DPF2: variants seen among roughly 807,000 people sequenced by gnomAD.
The protein encoded by DPF2 is zinc finger protein ubi-d4.
A neutral mutation model predicts 59.6 loss-of-function variants in DPF2; 10 were observed. That is an observed-to-expected ratio of 0.17 (90% CI 0.10 to 0.28). The LOEUF (loss-of-function observed/expected upper bound fraction) is 0.28, where lower values mean the gene tolerates loss of function less well. Ranked by LOEUF, DPF2 falls within the 10% of genes least tolerant of loss-of-function variation. DPF2 has a pLI of 1.00. For synonymous variants in DPF2, 189 were observed against 190.6 expected (o/e 0.99, Z 0.07); for missense variants, 315 against 509.4 (o/e 0.62, Z 3.67).
At chr11:65,350,845 G>C (rs528734748) in intron 10 of DPF2, among the ~76,000 whole-genome samples, 1 of 151,978 alleles carries the variant, frequency 6.6e-6, no homozygotes, top group African/African-American at 2.4e-5. Flanking sequence ...TGGGCGTGGT[G>C]CTGTGCGCTT....
At chr11:65,337,496 TATATATATAGAGAGAGAGAGAGAGAG>T (rs766063916) in intron 1 of DPF2, among the ~76,000 whole-genome samples, 2 of 57,224 alleles carry the variant, frequency 3.5e-5, no homozygotes, top group East Asian at 1.3e-3. Flanking sequence ...TATATATATA[TATATATATAGAGAGAGAGAGAGAGAG>T]AGAGAGAGAG....
rs759872695 is a variant in DPF2, at chr11:65,351,750, C to T, written c.1167C>T (p.Asn389=). The change falls in exon 11 of 11, where the codon AAC becomes AAT. Residue 389 remains asparagine, a synonymous_variant. Transcript: ENST00000528416. ...KEKASIYQNQ[N]SS Reference sequence around the variant, plus strand: ...AAGCTTCCATCTACCAGAACCAGAACTCCTCTTGATGTGGCCACCCACCTG... The same window carrying T: ...AAGCTTCCATCTACCAGAACCAGAATTCCTCTTGATGTGGCCACCCACCTG... 19 of 1,613,040 alleles carry T rather than the reference C, an allele frequency of 1.2e-5. No individual in the cohort carries two copies. In the East Asian group the frequency reaches 3.3e-4, roughly 28 times the overall value.
intron 6 of DPF2, chr11:65,344,345 G>A (rs1854467182): frequency 3.3e-6 from 2 of 610,262 alleles, no homozygotes; most frequent in Admixed American, 2.9e-5. Context: ...CTCAACAGAT[G>A]GCCTGCAGGT....
chr11:65,352,897 G>A lies in DPF2; in HGVS notation c.*1138G>A, dbSNP rs1415546729. 6.6e-6 allele frequency: 1 copy of A among 152,360 alleles called. No homozygotes were observed. The highest frequency in any genetic ancestry group is 2.4e-5 in the African/African-American group (1 of 41,398). The allele number at this position is 152,360 out of a possible 1,614,324, so 9.4% of individuals were successfully genotyped here. On this transcript the variant is annotated 3_prime_UTR_variant, in exon 11 of 11. Transcript: ENST00000528416. The stretch of plus-strand genomic sequence containing the variant: ...CGTGGGCAGGCCCTAACTCACTGTC[G>A]CTTTGGAGTTGAGGTGTCTTTTTTT...
In DPF2 at chr11:65,338,420, T is replaced by C. The variant is rs143089128; in HGVS notation, c.33-1965T>C. Among the ~76,000 whole-genome samples, 14 of 152,334 alleles carry C rather than the reference T, an allele frequency of 9.2e-5. No homozygotes were observed. The East Asian group carries it at 2.7e-3, about 29-fold the overall frequency. ...ATCTCTCATTCATTCCCCGCAAAAC[T>C]GTTTCCAGCCTCCTTGCTCTGACTT... On this transcript the variant is annotated intron_variant, in intron 1 of 10. Transcript: ENST00000528416.
rs886924776 is a variant in DPF2 at position 65,343,850 on chromosome 11, C to G, written c.558+13C>G. The stretch of plus-strand genomic sequence containing the variant: ...GGGGAAATCCAAGGTGAGGGGCCAG[C>G]GTGCTGCCTGCATCTTGGGACAGGG... On this transcript the variant is annotated intron_variant, in intron 5 of 10. Coordinates refer to ENST00000528416, the MANE Select transcript of DPF2 (RefSeq NM_006268.5). The G allele has an allele frequency of 1.9e-6, 3 of 1,582,212 alleles. No homozygotes were observed. The highest frequency in any genetic ancestry group is 2.6e-6 in the Non-Finnish European group (3 of 1,163,020).
At position 65,353,638 on chromosome 11, in the gene DPF2, TAGA is replaced by T. The variant is rs1854787455; in HGVS notation, c.*1882_*1884del. ...GCGCGTATGTCTTCAGTGTGTGTTT[TAGA>T]AGTCCAACTGTTGTTTTTATGTTTT... On this transcript the variant is annotated 3_prime_UTR_variant, in exon 11 of 11. Transcript: ENST00000528416. Among the ~76,000 whole-genome samples, 2 of 152,248 alleles carry T rather than the reference TAGA, an allele frequency of 1.3e-5. No individual in the cohort carries two copies. Among genetic ancestry groups the T allele is most frequent in the South Asian group, 2.1e-4 (1 of 4,830 alleles).
chr11:65,336,493 A>C (rs982695200), intron 1 of DPF2, among the ~76,000 whole-genome samples: 1 of 151,784 alleles, frequency 6.6e-6, no homozygotes, highest in African/African-American at 2.4e-5. Flanking sequence ...ACTCTTTCTT[A>C]AAAAAAAGAA....
At chr11:65,337,490 TATATATATATATATAGAGAGAGAGAG>T (rs1854212730) in intron 1 of DPF2, among the ~76,000 whole-genome samples, 1 of 67,038 alleles carries the variant, frequency 1.5e-5, no homozygotes, top group Non-Finnish European at 2.8e-5. Context: ...TATATATATA[TATATATATATATATAGAGAGAGAGAG>T]AGAGAGAGAG....
At position 65,346,235 on chromosome 11, in the gene DPF2, C is replaced by A; in HGVS notation, c.905-12C>A. The stretch of plus-strand genomic sequence containing the variant: ...TTCCGACTGTCTGTCTCACTCACTT[C>A]CCCCACTACAGGGCATCCATCTTGC... On this transcript the variant is annotated splice_polypyrimidine_tract_variant and intron_variant, in intron 8 of 10. Coordinates refer to ENST00000528416, the MANE Select transcript of DPF2 (RefSeq NM_006268.5). 1 of 1,613,210 alleles carries A rather than the reference C, an allele frequency of 6.2e-7. No individual in the cohort carries two copies. The highest frequency in any genetic ancestry group is 8.5e-7 in the Non-Finnish European group (1 of 1,179,480).
rs1854725123 is a variant in DPF2 at position 65,352,297 on chromosome 11, GTTCTT to G, written c.*543_*547del. 2 of 157,058 alleles carry G rather than the reference GTTCTT, an allele frequency of 1.3e-5. No homozygotes were observed. The highest frequency in any genetic ancestry group is 4.8e-5 in the African/African-American group (2 of 41,442). 9.7% of individuals were successfully genotyped at this position (157,058 alleles called of 1,614,324 possible). ...CGGCCCTGTGTTCCTGCTACAGAGT[GTTCTT>G]TTCTGGAGTCAGGATGTTCTCGGTC... On this transcript the variant is annotated 3_prime_UTR_variant, in exon 11 of 11. Coordinates refer to ENST00000528416, the MANE Select transcript of DPF2 (RefSeq NM_006268.5).
chr11:65,338,062 A>G (rs542312563), intron 1 of DPF2, among the ~76,000 whole-genome samples: 33 of 152,222 alleles, frequency 2.2e-4, no homozygotes, highest in African/African-American at 5.8e-4. Flanking sequence ...CAGTCTCCCA[A>G]AGTGCTGGGA....
chr11:65,343,378 G>T lies in DPF2; in HGVS notation c.466-367G>T, dbSNP rs191407984. ...AACATTTTAATTTAAACTAGGAGGCGAGTGTCAGGACAGAACCACCAATAA... is the reference window on the plus strand; with the variant it reads ...AACATTTTAATTTAAACTAGGAGGCTAGTGTCAGGACAGAACCACCAATAA... On this transcript the variant is annotated intron_variant, in intron 4 of 10. Transcript: ENST00000528416. 1.2e-3 allele frequency: 226 copies of T among 192,320 alleles called. 1 individual carries two copies. Among genetic ancestry groups the T allele is most frequent in the African/African-American group, 5.1e-3 (220 of 42,726 alleles). 11.9% of individuals were successfully genotyped at this position (192,320 alleles called of 1,614,324 possible). A position where few individuals can be genotyped will look rare whatever the true frequency, so the allele number is the denominator to read the frequency against.
chr11:65,341,467 C>G lies in DPF2; in HGVS notation c.370C>G (p.Arg124Gly). 1 of 1,614,212 alleles carries G rather than the reference C, an allele frequency of 6.2e-7. No homozygotes were observed. The highest frequency in any genetic ancestry group is 8.5e-7 in the Non-Finnish European group (1 of 1,180,050). The part of the protein sequence containing the change: ...QDGSSLEALL[R>G]TDPLEKRGAP... ...TGGCAGTAGTTTAGAGGCTCTGTTG[C>G]GCACTGACCCCCTGGAGAAGCGAGG... Residue 124 changes from arginine (R) to glycine (G), a missense_variant, in exon 4 of 11, where the codon CGC (arginine) becomes GGC (glycine). Coordinates refer to ENST00000528416, the MANE Select transcript of DPF2 (RefSeq NM_006268.5).
At position 65,340,466 on chromosome 11, in the gene DPF2, C is replaced by G. The variant is rs1306545931; in HGVS notation, c.114C>G (p.Arg38=). Residue 38 remains arginine, a synonymous_variant, in exon 2 of 11, where the codon CGC becomes CGG. Coordinates refer to ENST00000528416, the MANE Select transcript of DPF2 (RefSeq NM_006268.5). ...NARLCAERSV[R]LPFLDSQTGV... is the part of the protein sequence containing the mutation. Reference sequence around the variant, plus strand: ...GCCTCTGTGCTGAGCGCAGCGTGCGCCTGCCTTTCTTGGACTCACAGACCG... The same window carrying G: ...GCCTCTGTGCTGAGCGCAGCGTGCGGCTGCCTTTCTTGGACTCACAGACCG... The G allele has an allele frequency of 6.2e-7, 1 of 1,614,160 alleles. No individual in the cohort carries two copies. The highest frequency in any genetic ancestry group is 8.5e-7 in the Non-Finnish European group (1 of 1,180,062).
At chr11:65,335,042 T>A (rs1950077687) in intron 1 of DPF2, among the ~76,000 whole-genome samples, 1 of 151,338 alleles carries the variant, frequency 6.6e-6, no homozygotes, top group Non-Finnish European at 1.5e-5. Context: ...CTTTCCCACT[T>A]CCATTAAGCT....
chr11:65,338,618 T>C (rs1432266146), intron 1 of DPF2, among the ~76,000 whole-genome samples: 3 of 152,172 alleles, frequency 2.0e-5, no homozygotes, highest in Non-Finnish European at 1.5e-5. Context: ...AAGGCTGCCT[T>C]CTCCATTCTG....
rs1452429870 is a variant in DPF2, at chr11:65,353,486, C to G, written c.*1727C>G. Among the ~76,000 whole-genome samples, 12 of 152,212 alleles carry G rather than the reference C, an allele frequency of 7.9e-5. No individual in the cohort carries two copies. Among genetic ancestry groups the G allele is most frequent in the Admixed American group, 2.0e-4 (3 of 15,290 alleles). On this transcript the variant is annotated 3_prime_UTR_variant, in exon 11 of 11. Transcript: ENST00000528416. Reference sequence around the variant, plus strand: ...TGGCTTCAGTTGCCTGCAGCGCTCCCAGGCCAGAGCAAGTGCTCTAGGATC... The same window carrying G: ...TGGCTTCAGTTGCCTGCAGCGCTCCGAGGCCAGAGCAAGTGCTCTAGGATC...
At chr11:65,344,203 C>T (rs1854462481) in intron 6 of DPF2, 134 bp downstream of exon 6, 1 of 902,126 alleles carries the variant, frequency 1.1e-6, no homozygotes, top group African/African-American at 1.6e-5. Context: ...CTGCTGACTG[C>T]TTCCGTCTGA....
Sources: allele counts gnomAD v4.1 joint callset (sites outside exome capture counted in the v4.1 genomes callset), GRCh38; gene constraint gnomAD v4.1.1; transcripts MANE v1.5; gene names NCBI Gene and HGNC (gene_info 2026-07-23, HGNC 2026-07-21).